The following ABCA4 variants were observed in gnomAD, a reference collection of about 807,000 sequenced individuals.
ABCA4 encodes ATP binding cassette subfamily A member 4, also known as retinal-specific phospholipid-transporting ATPase ABCA4.
A neutral mutation model predicts 263.7 loss-of-function variants in ABCA4; 196 were observed. The ratio of observed to expected loss-of-function variants is 0.74; its 90% CI spans 0.66 to 0.84. The LOEUF (loss-of-function observed/expected upper bound fraction) is 0.84, where lower values mean the gene tolerates loss of function less well. Ranked by LOEUF, ABCA4 falls within the 40% of genes least tolerant of loss-of-function variation. ABCA4 has a pLI of 0.00. For missense variants in ABCA4, 2,792 were observed against 2,855.1 expected (o/e 0.98, Z 0.50); for synonymous variants, 1,133 against 1,094.2 (o/e 1.04, Z -0.70).
chr1:94,108,250 T>C (rs1662496526), intron 4 of ABCA4, among the ~76,000 whole-genome samples: 1 of 152,220 alleles, frequency 6.6e-6, no homozygotes. Flanking sequence ...TCTATATCTT[T>C]ACGAAACTCT....
In ABCA4 at chr1:94,037,213, C is replaced by T. The variant is rs1451564181; in HGVS notation, c.3745G>A (p.Glu1249Lys). The change falls in exon 25 of 50, where the codon GAG (glutamate) becomes AAG (lysine). Residue 1249 changes from glutamate to lysine, a missense_variant. By Grantham distance (56) the Glu-to-Lys change is moderately conservative. Transcript: ENST00000370225. ...AGGTCAGCCAGCGTCTCCTCCAGCT[C>T]TCTGAAAAGGCTGGCATATGCTCTG... ...KHRAYASLFR[E>K]LEETLADLGL... 6.2e-7 allele frequency: 1 copy of T among 1,614,094 alleles called. No individual in the cohort carries two copies.
At chr1:94,035,095 G>A (rs1038562657) in intron 26 of ABCA4, among the ~76,000 whole-genome samples, 2 of 152,180 alleles carry the variant, frequency 1.3e-5, no homozygotes, top group African/African-American at 4.8e-5. Flanking sequence ...CCCCTTGACT[G>A]TATCTTTGGA....
chr1:94,090,046 G>A (rs548653032), intron 6 of ABCA4, among the ~76,000 whole-genome samples: 1 of 152,174 alleles, frequency 6.6e-6, no homozygotes, highest in African/African-American at 2.4e-5. Context: ...ACTCACTCAC[G>A]TTGGAATCAT....
intron 1 of ABCA4, among the ~76,000 whole-genome samples, chr1:94,117,191 TA>T (rs1337421828): frequency 6.6e-6 from 1 of 151,936 alleles, no homozygotes; most frequent in Non-Finnish European, 1.5e-5. Flanking sequence ...CTGAGCCTGT[TA>T]AATTTTCTTC....
intron 49 of ABCA4, among the ~76,000 whole-genome samples, chr1:93,994,558 T>C (rs113151966): frequency 6.8e-4 from 103 of 152,350 alleles, no homozygotes; most frequent in Middle Eastern, 3.4e-3. Flanking sequence ...TTTGAAGTGG[T>C]ATAATGTAAA....
At position 94,051,652 on chromosome 1, in the gene ABCA4, C is replaced by T. The variant is rs755162138; in HGVS notation, c.2634G>A (p.Ser878=). Residue 878 remains serine, a synonymous_variant, in exon 17 of 50, where the codon TCG becomes TCA. Coordinates refer to ENST00000370225, the MANE Select transcript of ABCA4 (RefSeq NM_000350.3). ...ACTCACCTTCACCGCCAAGCCAATA[C>T]GACTCTTGTAGAAGAAAGTACCAAG... ...PLPWYFLLQE[S]YWLGGEGCST... 69 of 1,613,822 alleles carry T rather than the reference C, an allele frequency of 4.3e-5. No individual in the cohort carries two copies. The highest frequency in any genetic ancestry group is 5.3e-5 in the Non-Finnish European group (62 of 1,179,796).
rs1662216089 is a variant in ABCA4 at position 94,098,972 on chromosome 1, T to G, written c.590A>C (p.Asp197Ala). 2 of 1,609,654 alleles carry G rather than the reference T, an allele frequency of 1.2e-6. No homozygotes were observed. Among genetic ancestry groups the G allele is most frequent in the East Asian group, 4.5e-5 (2 of 44,862 alleles). The change falls in exon 6 of 50, where the codon GAC becomes GCC. Residue 197 changes from aspartate to alanine, a missense_variant. Transcript: ENST00000370225. Reference protein sequence around the residue: ...RPEQFAHGVPDLALKDIACSE... With the variant: ...RPEQFAHGVPALALKDIACSE... ...GCAGGCGATGTCCTTCAGCGCCAGG[T>G]CCGGGACTCCATGAGCGAACTGCAG...
intron 6 of ABCA4, among the ~76,000 whole-genome samples, chr1:94,086,793 T>C (rs1661841080): frequency 6.6e-6 from 1 of 152,190 alleles, no homozygotes; most frequent in Non-Finnish European, 1.5e-5. Flanking sequence ...GTGGCAGCAC[T>C]TGGAGAACAC....
Position 94,117,027 on chromosome 1 carries a change from C to CT in ABCA4, c.66+3952dup, listed in dbSNP as rs1557812459. Among the ~76,000 whole-genome samples the CT allele has an allele frequency of 9.1e-3, 411 of 45,310 alleles. 3 individuals are homozygous for CT. The highest frequency in any genetic ancestry group is 0.057 in the Middle Eastern group (5 of 88). The allele number at this position is 45,310 out of a possible 152,430, so 29.7% of individuals were successfully genotyped here. A position where few individuals can be genotyped will look rare whatever the true frequency, so the allele number is the denominator to read the frequency against. On this transcript the variant is annotated intron_variant, in intron 1 of 49. Transcript: ENST00000370225. ...CTTTCTTTCTTTCTTTCTTTCTTTCCTTTTCTTTCTTTCTTCTTCTTTCCT... is the reference window on the plus strand; with the variant it reads ...CTTTCTTTCTTTCTTTCTTTCTTTCCTTTTTCTTTCTTTCTTCTTCTTTCCT...
chr1:94,066,754 C>T (rs914125311), intron 11 of ABCA4, among the ~76,000 whole-genome samples: 5 of 152,212 alleles, frequency 3.3e-5, no homozygotes, highest in Non-Finnish European at 5.9e-5. Flanking sequence ...TAGCCACAAG[C>T]GGGGGTGTAA....
chr1:94,111,706 T>A, intron 2 of ABCA4, 127 bp from the exon 3 acceptor site: 1 of 1,160,300 alleles, frequency 8.6e-7, no homozygotes, highest in Non-Finnish European at 1.3e-6. Flanking sequence ...TCTCAGCATT[T>A]AAGAAGCAGG....
intron 44 of ABCA4, among the ~76,000 whole-genome samples, chr1:94,002,942 A>C (rs1300508950): frequency 6.6e-6 from 1 of 152,176 alleles, no homozygotes; most frequent in Non-Finnish European, 1.5e-5. Context: ...TCACACAAAC[A>C]TATAGGAATA....
intron 40 of ABCA4, 171 bp downstream of exon 40, chr1:94,010,629 C>T: frequency 1.1e-6 from 1 of 916,858 alleles, no homozygotes; most frequent in Non-Finnish European, 1.7e-6. Flanking sequence ...TTGAATGTGC[C>T]TATTTTAACC....
In ABCA4 at chr1:94,120,952, T is replaced by C. The variant is rs766332280; in HGVS notation, c.66+28A>G. 7 of 1,218,702 alleles carry C rather than the reference T, an allele frequency of 5.7e-6. No individual in the cohort carries two copies. The African/African-American group carries it at 1.2e-4, about 21-fold the overall frequency. 75.5% of individuals were successfully genotyped at this position (1,218,702 alleles called of 1,614,324 possible). A position where few individuals can be genotyped will look rare whatever the true frequency, so the allele number is the denominator to read the frequency against. ...ACCTGTTTATTTGCTCCACACCTCA[T>C]TTTTAAACCACAGACAGTAACTGTT... On this transcript the variant is annotated intron_variant, in intron 1 of 49. Transcript: ENST00000370225.
At chr1:94,037,692 TG>T (rs370487726) in intron 24 of ABCA4, among the ~76,000 whole-genome samples, 94 of 152,308 alleles carry the variant, frequency 6.2e-4, no homozygotes, top group African/African-American at 2.1e-3. Flanking sequence ...TATGTTATGT[TG>T]GGTGGGTCAC....
Position 93,998,120 on chromosome 1 carries a change from G to A in ABCA4, c.6480-10C>T. On this transcript the variant is annotated splice_polypyrimidine_tract_variant and intron_variant, in intron 47 of 49. Coordinates refer to ENST00000370225, the MANE Select transcript of ABCA4 (RefSeq NM_000350.3). ...ATAGCCATCTCCAAATCTAGGGGAT[G>A]CACACAGTGCAGGACAGGCCTCTGT... 1 of 1,614,108 alleles carries A rather than the reference G, an allele frequency of 6.2e-7. No homozygotes were observed. The highest frequency in any genetic ancestry group is 2.2e-5 in the East Asian group (1 of 44,886).
chr1:94,041,165 T>A (rs761359689), intron 23 of ABCA4, 44 bp downstream of exon 23: 1 of 1,607,514 alleles, frequency 6.2e-7, no homozygotes, highest in Non-Finnish European at 8.5e-7. Flanking sequence ...TGCTGTGTGC[T>A]CCTTCTCACC....
At chr1:94,035,052 G>A (rs1287950140) in intron 26 of ABCA4, among the ~76,000 whole-genome samples, 4 of 152,030 alleles carry the variant, frequency 2.6e-5, no homozygotes, top group South Asian at 4.2e-4. Context: ...ATATTTGGTC[G>A]GCCTCACTCC....
chr1:94,069,103 G>T (rs1661343294), intron 11 of ABCA4, among the ~76,000 whole-genome samples: 2 of 152,222 alleles, frequency 1.3e-5, no homozygotes, highest in South Asian at 4.1e-4. Flanking sequence ...AGAGGTTTGA[G>T]CCCTCTCCAG....
Sources: allele counts gnomAD v4.1 joint callset (sites outside exome capture counted in the v4.1 genomes callset), GRCh38; gene constraint gnomAD v4.1.1; transcripts MANE v1.5; gene names NCBI Gene and HGNC (gene_info 2026-07-23, HGNC 2026-07-21).